The following BLK variants were observed in gnomAD, a reference collection of about 807,000 sequenced individuals.
The protein encoded by BLK is tyrosine-protein kinase Blk.
In BLK, 64 loss-of-function variants were observed where a neutral mutation model predicts 61.8. The observed-to-expected ratio is 1.03, with a 90% CI of 0.85 to 1.27. The LOEUF is 1.27. Ranked by LOEUF, BLK falls within the 50% of genes most tolerant of loss-of-function variation. BLK has a pLI of 0.00. For synonymous variants in BLK, 351 were observed against 272.0 expected (o/e 1.29, Z -2.86); for missense variants, 853 against 660.5 (o/e 1.29, Z -3.19).
intron 1 of BLK, among the ~76,000 whole-genome samples, chr8:11,527,354 A>C (rs192772578): frequency 6.6e-6 from 1 of 152,332 alleles, no homozygotes; most frequent in Admixed American, 6.5e-5. Context: ...CAAAATGGAC[A>C]ACATTTTCAC....
At chr8:11,555,275 A>C in intron 7 of BLK, 57 bp from the exon 8 acceptor site, 1 of 1,610,508 alleles carries the variant, frequency 6.2e-7, no homozygotes, top group Non-Finnish European at 8.5e-7. Context: ...ACAGCTCCCA[A>C]GGTAGAGCCT....
intron 1 of BLK, among the ~76,000 whole-genome samples, chr8:11,541,657 C>G (rs1800387263): frequency 6.6e-6 from 1 of 152,108 alleles, no homozygotes; most frequent in Non-Finnish European, 1.5e-5. Context: ...ACCACCACAC[C>G]TGGCTAATTT....
intron 1 of BLK, among the ~76,000 whole-genome samples, chr8:11,532,975 T>C (rs578177664): frequency 1.3e-5 from 2 of 152,356 alleles, no homozygotes; most frequent in South Asian, 2.1e-4. Flanking sequence ...AGTTTCTTCA[T>C]CTGTAAAATG....
chr8:11,522,360 C>A (rs1266412571), intron 1 of BLK, among the ~76,000 whole-genome samples: 1 of 152,042 alleles, frequency 6.6e-6, no homozygotes, highest in Non-Finnish European at 1.5e-5. Flanking sequence ...TTTGACAATA[C>A]GAGTTTTGGT....
At chr8:11,561,259 G>A (rs748458653) in intron 10 of BLK, 43 bp from the exon 11 acceptor site, 16 of 1,599,224 alleles carry the variant, frequency 1.0e-5, no homozygotes, top group Middle Eastern at 1.7e-4. Context: ...GTCTTGGCGT[G>A]GAGGCCCCCA....
chr8:11,507,648 T>C lies in BLK; in HGVS notation c.-2+13057T>C, dbSNP rs564990905. On this transcript the variant is annotated intron_variant, in intron 1 of 12. Transcript: ENST00000259089. ...AATCAGAAAGTCCCAATGGACCAGC[T>C]TGGGGGTTTGGGGGTTACTGGGTCC... 3.3e-5 allele frequency among the ~76,000 whole-genome samples: 5 copies of C among 152,210 alleles called. No homozygotes were observed. In the South Asian group the frequency reaches 8.3e-4, roughly 25 times the overall value.
chr8:11,496,252 T>G (rs1344627910), intron 1 of BLK, among the ~76,000 whole-genome samples: 2 of 152,188 alleles, frequency 1.3e-5, no homozygotes, highest in Non-Finnish European at 2.9e-5. Flanking sequence ...TTTTTTGTTT[T>G]TCAGAGATGG....
chr8:11,564,021 C>A lies in BLK; in HGVS notation c.1431C>A (p.Pro477=). ...TCGCCGAGTGCTGGCGCAGCCGGCC[C>A]GAGGAGCGGCCCACCTTCGAGTTCC... ...GVIAECWRSR[P]EERPTFEFLQ... Residue 477 remains proline, a synonymous_variant, in exon 13 of 13, where the codon CCC becomes CCA. Coordinates refer to ENST00000259089, the MANE Select transcript of BLK (RefSeq NM_001715.3). The A allele has an allele frequency of 1.2e-6, 2 of 1,604,706 alleles. No homozygotes were observed. The highest frequency in any genetic ancestry group is 1.7e-6 in the Non-Finnish European group (2 of 1,178,892).
chr8:11,554,328 T>G (rs540591274), intron 6 of BLK: 1 of 276,928 alleles, frequency 3.6e-6, no homozygotes, highest in Non-Finnish European at 7.0e-6. Context: ...GGCTATCTGC[T>G]TGTAGGAGTA....
chr8:11,538,869 T>C (rs1426075751), intron 1 of BLK, among the ~76,000 whole-genome samples: 1 of 152,214 alleles, frequency 6.6e-6, no homozygotes, highest in Non-Finnish European at 1.5e-5. Flanking sequence ...TGCTCCTCTG[T>C]TGCTGGGCAA....
chr8:11,549,883 T>G, intron 5 of BLK: 1 of 465,022 alleles, frequency 2.2e-6, no homozygotes, highest in Non-Finnish European at 4.0e-6. Context: ...GGGGCATTTT[T>G]CCAAAGCAAA....
intron 1 of BLK, among the ~76,000 whole-genome samples, chr8:11,510,257 G>C (rs1418268064): frequency 6.6e-6 from 1 of 152,220 alleles, no homozygotes; most frequent in Non-Finnish European, 1.5e-5. Context: ...AAGTCAGTGT[G>C]ATAGTGACTT....
intron 3 of BLK, among the ~76,000 whole-genome samples, chr8:11,547,006 C>T (rs969510682): frequency 6.6e-6 from 1 of 152,250 alleles, no homozygotes; most frequent in African/African-American, 2.4e-5. Flanking sequence ...TGACTTCCCG[C>T]AGCCTCCTCA....
At chr8:11,531,615 G>A (rs781065594) in intron 1 of BLK, among the ~76,000 whole-genome samples, 1 of 152,158 alleles carries the variant, frequency 6.6e-6, no homozygotes, top group Non-Finnish European at 1.5e-5. Flanking sequence ...CGGGTCTATA[G>A]CTTCTATCAA....
chr8:11,522,175 T>C (rs555284258), intron 1 of BLK, among the ~76,000 whole-genome samples: 59 of 152,276 alleles, frequency 3.9e-4, no homozygotes, highest in Middle Eastern at 6.8e-3. Flanking sequence ...TTAGTTGGCA[T>C]TGGAAATGAG....
chr8:11,518,437 G>A (rs762912262), intron 1 of BLK, among the ~76,000 whole-genome samples: 3 of 152,138 alleles, frequency 2.0e-5, no homozygotes, highest in Non-Finnish European at 4.4e-5. Flanking sequence ...ATTGGTGGGG[G>A]GCAGAAGATT....
In BLK at chr8:11,535,302, AAGAAAGAAAGAAAGAAAGAAAG is replaced by A. The variant is rs1242585524; in HGVS notation, c.-1-7917_-1-7896del. 3.4e-3 allele frequency among the ~76,000 whole-genome samples: 492 copies of A among 146,794 alleles called. 2 individuals are homozygous for A. The highest frequency in any genetic ancestry group is 9.6e-3 in the South Asian group (41 of 4,268). On this transcript the variant is annotated intron_variant, in intron 1 of 12. Transcript: ENST00000259089. The stretch of plus-strand genomic sequence containing the variant: ...AAAGAAAGAAAGAAAGAAAGAAAGA[AAGAAAGAAAGAAAGAAAGAAAG>A]AGAAGGAAAAGGGAAGGGAAGGAAG...
chr8:11,558,832 CAT>C (rs1321447833), intron 10 of BLK: 1 of 451,902 alleles, frequency 2.2e-6, no homozygotes, highest in African/African-American at 2.0e-5. Flanking sequence ...TACACACACA[CAT>C]ACAGCTGCCA....
intron 2 of BLK, among the ~76,000 whole-genome samples, chr8:11,545,190 A>G (rs949960778): frequency 1.3e-5 from 2 of 152,170 alleles, no homozygotes; most frequent in African/African-American, 2.4e-5. Flanking sequence ...CATTAATTTT[A>G]TTGCCTGAGT....
Sources: allele counts gnomAD v4.1 joint callset (sites outside exome capture counted in the v4.1 genomes callset), GRCh38; gene constraint gnomAD v4.1.1; transcripts MANE v1.5; gene names NCBI Gene and HGNC (gene_info 2026-07-23, HGNC 2026-07-21).